The following PPM1N variants were observed in gnomAD, a reference collection of about 807,000 sequenced individuals.
PPM1N encodes probable protein phosphatase 1N.
PPM1N carries 35 observed loss-of-function variants against 32.6 expected under a neutral mutation model. The ratio of observed to expected loss-of-function variants is 1.07; its 90% confidence interval spans 0.82 to 1.43. PPM1N has a LOEUF of 1.43. Ranked by LOEUF, PPM1N falls within the 40% of genes most tolerant of loss-of-function variation. The probability of loss-of-function intolerance (pLI) is 0.00; values close to 1 mark genes in which losing one functional copy is unlikely to be tolerated. For missense variants in PPM1N, 648 were observed against 606.6 expected (o/e 1.07, Z -0.72); for synonymous variants, 275 against 270.5 (o/e 1.02, Z -0.16).
rs913741762 is a variant in PPM1N at position 45,500,703 on chromosome 19, G to A, written c.1217G>A (p.Cys406Tyr). ...CAGATCTGCCAGGTCTCAGAAGAGT[G>A]CGGAGAGGTAAGGATCCTGTGTTCT... is the stretch of plus-strand genomic sequence containing the variant. ...YSQICQVSEE[C>Y]GEKGQDGAGK... The change falls in exon 4 of 5, where the codon TGC (cysteine) becomes TAC (tyrosine). Residue 406 changes from cysteine (C) to tyrosine (Y), a missense_variant. Transcript: ENST00000451287. 1 of 1,600,296 alleles carries A rather than the reference G, an allele frequency of 6.2e-7. No homozygotes were observed. Among genetic ancestry groups the A allele is most frequent in the Non-Finnish European group, 8.5e-7 (1 of 1,173,642 alleles).
At position 45,498,556 on chromosome 19, in the gene PPM1N, A is replaced by AGAGGAG; in HGVS notation, c.95_100dup (p.Glu32_Glu33dup). The AGAGGAG allele has an allele frequency of 1.4e-6, 2 of 1,456,830 alleles. No homozygotes were observed. Among genetic ancestry groups the AGAGGAG allele is most frequent in the Non-Finnish European group, 1.8e-6 (2 of 1,108,118 alleles). 90.2% of individuals were successfully genotyped at this position (1,456,830 alleles called of 1,614,324 possible). On this transcript the variant is annotated inframe_insertion, in exon 1 of 5. Coordinates refer to ENST00000451287, the MANE Select transcript of PPM1N (RefSeq NM_001080401.2). ...AGAGGGAGAAGGAGGGGAGGGAGGAAGAGGAGGAGGAGGAGGCGGGGCGCA... is the reference window on the plus strand; with the variant it reads ...AGAGGGAGAAGGAGGGGAGGGAGGAAGAGGAGGAGGAGGAGGAGGAGGCGGGGCGCA...
At position 45,502,509 on chromosome 19, in the gene PPM1N, A is replaced by T. The variant is rs536950845; in HGVS notation, c.*424A>T. On this transcript the variant is annotated 3_prime_UTR_variant, in exon 5 of 5. Coordinates refer to ENST00000451287, the MANE Select transcript of PPM1N (RefSeq NM_001080401.2). ...ATTCCAAATACATTTTCTTGTAAAA[A>T]ACAAGAAGACATGTTTTGCCTAGTC... 1.8e-5 allele frequency: 6 copies of T among 327,446 alleles called. No individual in the cohort carries two copies. The highest frequency in any genetic ancestry group is 3.3e-5 in the Non-Finnish European group (6 of 183,042). 20.3% of individuals were successfully genotyped at this position (327,446 alleles called of 1,614,324 possible). A position where few individuals can be genotyped will look rare whatever the true frequency, so the allele number is the denominator to read the frequency against.
chr19:45,499,540 G>A, intron 1 of PPM1N, 129 bp downstream of exon 1: 4 of 1,551,764 alleles, frequency 2.6e-6, no homozygotes, highest in Non-Finnish European at 3.5e-6. Context: ...TAGGACTCAA[G>A]CGAAGGGCGT....
At chr19:45,500,127 CTTTTTCTT>C (rs1416413607) in intron 2 of PPM1N, 61 bp downstream of exon 2, 7 of 1,492,246 alleles carry the variant, frequency 4.7e-6, no homozygotes, top group African/African-American at 4.4e-5. Context: ...TGTGCCATAA[CTTTTTCTT>C]TTTTTCTTTT....
At position 45,499,057 on chromosome 19, in the gene PPM1N, C is replaced by T. The variant is rs1968361543; in HGVS notation, c.585C>T (p.Phe195=). ...AVLSRAGAVA[F]STEDHRPLRP... ...TGAGCCGCGCTGGCGCCGTGGCCTT[C>T]AGCACAGAGGACCACCGGCCCCTTC... The change falls in exon 1 of 5, where the codon TTC becomes TTT. Residue 195 remains phenylalanine (F), a synonymous_variant. Transcript: ENST00000451287. The T allele has an allele frequency of 6.5e-7, 1 of 1,535,954 alleles. No homozygotes were observed. Among genetic ancestry groups the T allele is most frequent in the Non-Finnish European group, 8.7e-7 (1 of 1,151,996 alleles).
intron 1 of PPM1N, chr19:45,499,706 G>T: frequency 6.5e-7 from 1 of 1,545,542 alleles, no homozygotes; most frequent in Non-Finnish European, 8.7e-7. Context: ...ATTGATTAGT[G>T]CTGGAAGGTG....
Position 45,502,274 on chromosome 19 carries a change from C to G in PPM1N, c.*189C>G. 1 of 232,046 alleles carries G rather than the reference C, an allele frequency of 4.3e-6. No individual in the cohort carries two copies. The highest frequency in any genetic ancestry group is 8.7e-6 in the Non-Finnish European group (1 of 114,624). 14.4% of individuals were successfully genotyped at this position (232,046 alleles called of 1,614,324 possible). A position where few individuals can be genotyped will look rare whatever the true frequency, so the allele number is the denominator to read the frequency against. On this transcript the variant is annotated 3_prime_UTR_variant, in exon 5 of 5. Coordinates refer to ENST00000451287, the MANE Select transcript of PPM1N (RefSeq NM_001080401.2). The stretch of plus-strand genomic sequence containing the variant: ...AGTCTTACGAATGGGGAAATTCCAC[C>G]AACATCCAGACCAAAAAGAAAAAAG...
Position 45,498,704 on chromosome 19 carries a change from C to A in PPM1N, c.232C>A (p.Arg78Ser). The A allele has an allele frequency of 2.0e-6, 3 of 1,506,696 alleles. No homozygotes were observed. The highest frequency in any genetic ancestry group is 1.3e-5 in the South Asian group (1 of 78,476). 93.3% of individuals were successfully genotyped at this position (1,506,696 alleles called of 1,614,324 possible). The change falls in exon 1 of 5, where the codon CGC becomes AGC. Residue 78 changes from arginine (R) to serine (S), a missense_variant. Arg to Ser is a moderately radical substitution (Grantham distance 110). Coordinates refer to ENST00000451287, the MANE Select transcript of PPM1N (RefSeq NM_001080401.2). ...GASAAQGWRA[R>S]MEDAHCTWLS... ...GAGCGCAGCGCAAGGCTGGCGCGCG[C>A]GCATGGAGGATGCTCACTGCACTTG...
intron 4 of PPM1N, among the ~76,000 whole-genome samples, chr19:45,501,136 C>T (rs573564804): frequency 6.6e-6 from 1 of 152,130 alleles, no homozygotes; most frequent in Non-Finnish European, 1.5e-5. Context: ...GAGCCGGCAA[C>T]GCTCTGCAGT....
chr19:45,499,428 G>A lies in PPM1N; in HGVS notation c.939+17G>A. On this transcript the variant is annotated intron_variant, in intron 1 of 4. Coordinates refer to ENST00000451287, the MANE Select transcript of PPM1N (RefSeq NM_001080401.2). ...CTGTGCAAGGTCCTGGGGGCGTGGCGTGGTACCTTTGGGGCTTGGTGCAGC... is the reference window on the plus strand; with the variant it reads ...CTGTGCAAGGTCCTGGGGGCGTGGCATGGTACCTTTGGGGCTTGGTGCAGC... The A allele has an allele frequency of 1.9e-6, 3 of 1,595,824 alleles. No individual in the cohort carries two copies. Among genetic ancestry groups the A allele is most frequent in the Non-Finnish European group, 2.6e-6 (3 of 1,171,288 alleles).
At chr19:45,500,400 GC>G in intron 2 of PPM1N, 55 bp from the exon 3 acceptor site, 2 of 1,480,090 alleles carry the variant, frequency 1.4e-6, no homozygotes, top group Non-Finnish European at 1.8e-6. Context: ...CTCCCAAAGT[GC>G]TGGGATTACA....
In PPM1N at chr19:45,498,679, G is replaced by A; in HGVS notation, c.207G>A (p.Ala69=). Residue 69 remains alanine, a synonymous_variant, in exon 1 of 5, where the codon GCG becomes GCA. Transcript: ENST00000451287. ...AEASGGLRFG[A]SAAQGWRARM... is the part of the protein sequence containing the mutation. ...CGTCTGGGGGCCTGCGCTTCGGGGC[G>A]AGCGCAGCGCAAGGCTGGCGCGCGC... 3.4e-6 allele frequency: 5 copies of A among 1,450,428 alleles called. No individual in the cohort carries two copies. Among genetic ancestry groups the A allele is most frequent in the Middle Eastern group, 1.8e-4 (1 of 5,646 alleles). 89.8% of individuals were successfully genotyped at this position (1,450,428 alleles called of 1,614,324 possible). A position where few individuals can be genotyped will look rare whatever the true frequency, so the allele number is the denominator to read the frequency against.
In PPM1N at chr19:45,498,655, GTCTGGGGGCCTGCGCTTCGGGGC is replaced by G; in HGVS notation, c.184_206del (p.Ser62GlufsTer62). The G allele has an allele frequency of 7.0e-7, 1 of 1,431,104 alleles. No individual in the cohort carries two copies. Among genetic ancestry groups the G allele is most frequent in the Non-Finnish European group, 9.1e-7 (1 of 1,095,582 alleles). The allele number at this position is 1,431,104 out of a possible 1,614,324, so 88.7% of individuals were successfully genotyped here. A position where few individuals can be genotyped will look rare whatever the true frequency, so the allele number is the denominator to read the frequency against. On this transcript the variant is annotated frameshift_variant, in exon 1 of 5. Transcript: ENST00000451287. LOFTEE classifies it high-confidence loss of function. ...AGCGGCCGCACGGGGGTGCCGAGGC[GTCTGGGGGCCTGCGCTTCGGGGC>G]GAGCGCAGCGCAAGGCTGGCGCGCG...
In PPM1N at chr19:45,498,680, A is replaced by T. The variant is rs1208678394; in HGVS notation, c.208A>T (p.Ser70Cys). 6.2e-6 allele frequency: 9 copies of T among 1,451,912 alleles called. No individual in the cohort carries two copies. The highest frequency in any genetic ancestry group is 8.1e-6 in the Non-Finnish European group (9 of 1,104,810). 89.9% of individuals were successfully genotyped at this position (1,451,912 alleles called of 1,614,324 possible). Residue 70 changes from serine to cysteine, a missense_variant, in exon 1 of 5, where the codon AGC becomes TGC. Transcript: ENST00000451287. ...GTCTGGGGGCCTGCGCTTCGGGGCG[A>T]GCGCAGCGCAAGGCTGGCGCGCGCG... ...EASGGLRFGA[S>C]AAQGWRARME...
chr19:45,498,746 C>G lies in PPM1N; in HGVS notation c.274C>G (p.Leu92Val). The G allele has an allele frequency of 6.4e-7, 1 of 1,556,484 alleles. No homozygotes were observed. The highest frequency in any genetic ancestry group is 8.7e-7 in the Non-Finnish European group (1 of 1,155,486). ...CTGCACTTGGCTTTCGTTACCTGGTCTGCCCCCGGGCTGGGCCTTGTTTGC... is the reference window on the plus strand; with the variant it reads ...CTGCACTTGGCTTTCGTTACCTGGTGTGCCCCCGGGCTGGGCCTTGTTTGC... ...AHCTWLSLPG[L>V]PPGWALFAVL... Residue 92 changes from leucine (L) to valine (V), a missense_variant, in exon 1 of 5, where the codon CTG (leucine) becomes GTG (valine). Transcript: ENST00000451287.
Position 45,498,913 on chromosome 19 carries a change from C to A in PPM1N, c.441C>A (p.Ala147=). The A allele has an allele frequency of 6.5e-7, 1 of 1,528,456 alleles. No homozygotes were observed. The highest frequency in any genetic ancestry group is 8.7e-7 in the Non-Finnish European group (1 of 1,147,174). 94.7% of individuals were successfully genotyped at this position (1,528,456 alleles called of 1,614,324 possible). A position where few individuals can be genotyped will look rare whatever the true frequency, so the allele number is the denominator to read the frequency against. ...REALRRAFLS[A]DERLRSLWPR... is the part of the protein sequence containing the mutation. ...CGCTGCGCCGAGCCTTCTTGAGCGCCGACGAGCGCCTGCGCTCCCTCTGGC... is the reference window on the plus strand; with the variant it reads ...CGCTGCGCCGAGCCTTCTTGAGCGCAGACGAGCGCCTGCGCTCCCTCTGGC... Residue 147 remains alanine, a synonymous_variant, in exon 1 of 5, where the codon GCC becomes GCA. Transcript: ENST00000451287.
At position 45,498,848 on chromosome 19, in the gene PPM1N, C is replaced by T. The variant is rs867840607; in HGVS notation, c.376C>T (p.Leu126=). The T allele has an allele frequency of 2.0e-6, 3 of 1,534,106 alleles. No individual in the cohort carries two copies. In the African/African-American group the frequency reaches 4.2e-5, roughly 22 times the overall value. ...RHLPGHVLQE[L]GPEPSEPEGV... The stretch of plus-strand genomic sequence containing the variant: ...TTTGCCAGGCCATGTGCTCCAGGAG[C>T]TGGGCCCGGAGCCTAGCGAGCCCGA... The change falls in exon 1 of 5, where the codon CTG becomes TTG. Residue 126 remains leucine, a synonymous_variant. Transcript: ENST00000451287.
Position 45,498,783 on chromosome 19 carries a change from G to GCCACGGTGGGGCGC in PPM1N, c.323_324insGCCCACGGTGGGGC (p.Arg109ProfsTer42), listed in dbSNP as rs2122242441. ...TGGGCCTTGTTTGCCGTCCTCGACG[G>GCCACGGTGGGGCGC]CCACGGTGGGGCTCGAGCTGCCCGC... On this transcript the variant is annotated frameshift_variant, in exon 1 of 5. Transcript: ENST00000451287. LOFTEE classifies it high-confidence loss of function. The GCCACGGTGGGGCGC allele has an allele frequency of 6.4e-7, 1 of 1,554,868 alleles. No individual in the cohort carries two copies. The highest frequency in any genetic ancestry group is 1.4e-5 in the African/African-American group (1 of 71,504).
Position 45,498,748 on chromosome 19 carries a change from G to A in PPM1N, c.276G>A (p.Leu92=), listed in dbSNP as rs1250138296. The A allele has an allele frequency of 6.4e-7, 1 of 1,557,672 alleles. No homozygotes were observed. The highest frequency in any genetic ancestry group is 8.7e-7 in the Non-Finnish European group (1 of 1,156,036). ...AHCTWLSLPG[L]PPGWALFAVL... The stretch of plus-strand genomic sequence containing the variant: ...GCACTTGGCTTTCGTTACCTGGTCT[G>A]CCCCCGGGCTGGGCCTTGTTTGCCG... The change falls in exon 1 of 5, where the codon CTG becomes CTA. Residue 92 remains leucine, a synonymous_variant. Transcript: ENST00000451287.
Sources: allele counts gnomAD v4.1 joint callset (sites outside exome capture counted in the v4.1 genomes callset), GRCh38; gene constraint gnomAD v4.1.1; transcripts MANE v1.5; gene names NCBI Gene and HGNC (gene_info 2026-07-23, HGNC 2026-07-21).